ZBTB20: variants seen among roughly 807,000 people sequenced by gnomAD.
ZBTB20 encodes zinc finger and BTB domain containing 20, also known as zinc finger and BTB domain-containing protein 20.
A neutral mutation model predicts 56.9 loss-of-function variants in ZBTB20; 9 were observed. The ratio of observed to expected loss-of-function variants is 0.16; its 90% CI spans 0.10 to 0.28. The LOEUF is 0.28. Ranked by LOEUF, ZBTB20 falls within the 10% of genes least tolerant of loss-of-function variation. ZBTB20 has a pLI of 1.00. For missense variants in ZBTB20, 655 were observed against 1,003.0 expected (o/e 0.65, Z 4.69); for synonymous variants, 417 against 420.7 (o/e 0.99, Z 0.11).
intron 7 of ZBTB20, among the ~76,000 whole-genome samples, chr3:114,470,584 C>T (rs549507442): frequency 6.6e-6 from 1 of 152,048 alleles, no homozygotes; most frequent in Non-Finnish European, 1.5e-5. Context: ...AATAAGTCTA[C>T]AAGTTGGGTG....
intron 5 of ZBTB20, among the ~76,000 whole-genome samples, chr3:114,725,890 G>A (rs550712526): frequency 6.6e-6 from 1 of 152,310 alleles, no homozygotes; most frequent in East Asian, 1.9e-4. Flanking sequence ...AATCTTTTTA[G>A]TACATACTGT....
chr3:114,541,199 C>T (rs1577399986), intron 6 of ZBTB20, among the ~76,000 whole-genome samples: 3 of 152,062 alleles, frequency 2.0e-5, no homozygotes, highest in East Asian at 3.9e-4. Flanking sequence ...ATGTTAACTC[C>T]CATAGCTTTA....
intron 4 of ZBTB20, among the ~76,000 whole-genome samples, chr3:114,814,438 C>T (rs904523107): frequency 1.3e-5 from 2 of 151,996 alleles, no homozygotes; most frequent in African/African-American, 4.8e-5. Context: ...ATATGATACC[C>T]CAACATTTCA....
chr3:114,685,611 C>G (rs150418615), intron 6 of ZBTB20, among the ~76,000 whole-genome samples: 2 of 152,178 alleles, frequency 1.3e-5, no homozygotes, highest in Non-Finnish European at 2.9e-5. Context: ...TATGTAGGAA[C>G]GCTGTCTTGC....
chr3:114,623,034 T>C (rs2058428521), intron 6 of ZBTB20, among the ~76,000 whole-genome samples: 1 of 152,200 alleles, frequency 6.6e-6, no homozygotes, highest in African/African-American at 2.4e-5. Flanking sequence ...CCACCATGTT[T>C]TTTTGGTTTT....
chr3:115,136,504 AG>A (rs2107330282), intron 1 of ZBTB20, among the ~76,000 whole-genome samples: 1 of 150,046 alleles, frequency 6.7e-6, no homozygotes, highest in Admixed American at 6.6e-5. Flanking sequence ...ACCTTTCCTA[AG>A]TGATGAATGT....
intron 7 of ZBTB20, among the ~76,000 whole-genome samples, chr3:114,434,517 T>C (rs1020367511): frequency 2.3e-5 from 3 of 131,536 alleles, no homozygotes; most frequent in African/African-American, 9.2e-5. Context: ...CTTTACCTCA[T>C]GAAGAGTAGC....
chr3:115,107,311 T>G (rs1190030329), intron 1 of ZBTB20, among the ~76,000 whole-genome samples: 2 of 151,932 alleles, frequency 1.3e-5, no homozygotes, highest in South Asian at 2.1e-4. Context: ...TCCTAGCTAC[T>G]TGGGAGGCTG....
intron 6 of ZBTB20, among the ~76,000 whole-genome samples, chr3:114,636,045 C>G (rs13094567): frequency 0.085 from 12,901 of 152,120 alleles, 573 homozygotes; most frequent in Middle Eastern, 0.15. Context: ...AGCAACTCAT[C>G]ACATTCAAAG....
chr3:114,905,951 C>T (rs1477776421), intron 3 of ZBTB20, among the ~76,000 whole-genome samples: 2 of 151,860 alleles, frequency 1.3e-5, no homozygotes, highest in African/African-American at 2.4e-5. Flanking sequence ...TAAAAAACTT[C>T]TTCTAGCTAT....
At chr3:115,022,627 C>G (rs2080252027) in intron 2 of ZBTB20, among the ~76,000 whole-genome samples, 1 of 150,998 alleles carries the variant, frequency 6.6e-6, no homozygotes, top group Non-Finnish European at 1.5e-5. Context: ...ACTCTACAAT[C>G]TACTCCAATT....
chr3:114,731,793 G>GATTAGTAACTAATCCGGCTGTA lies in ZBTB20; in HGVS notation c.-342-38219_-342-38218insTACAGCCGGATTAGTTACTAAT, dbSNP rs1560181740. On this transcript the variant is annotated intron_variant, in intron 5 of 11. Coordinates refer to ENST00000675478, the MANE Select transcript of ZBTB20 (RefSeq NM_001348800.3). ...CTAGATTAGTAACTAATCCGGCTGT[G>GATTAGTAACTAATCCGGCTGTA]CCTAGATTAGTAACTAATCCGGCTG... Among the ~76,000 whole-genome samples the GATTAGTAACTAATCCGGCTGTA allele has an allele frequency of 5.9e-4, 70 of 117,910 alleles. 4 individuals are homozygous for GATTAGTAACTAATCCGGCTGTA. The highest frequency in any genetic ancestry group is 3.4e-3 in the South Asian group (9 of 2,678). The allele number at this position is 117,910 out of a possible 152,430, so 77.4% of individuals were successfully genotyped here.
intron 5 of ZBTB20, among the ~76,000 whole-genome samples, chr3:114,774,544 G>C (rs2069447252): frequency 6.6e-6 from 1 of 152,084 alleles, no homozygotes; most frequent in African/African-American, 2.4e-5. Context: ...ATTTTGTAAG[G>C]AGATACCATA....
chr3:114,597,520 T>C (rs1439811259), intron 6 of ZBTB20, among the ~76,000 whole-genome samples: 1 of 152,194 alleles, frequency 6.6e-6, no homozygotes. Context: ...GGTTAGAATA[T>C]GGCTTGTTTG....
chr3:114,478,041 C>T (rs1188470817), intron 7 of ZBTB20, among the ~76,000 whole-genome samples: 1 of 142,950 alleles, frequency 7.0e-6, no homozygotes, highest in African/African-American at 2.6e-5. Context: ...AGTGCAATGG[C>T]GCGATCTTGG....
chr3:114,756,198 G>C (rs571824478), intron 5 of ZBTB20, among the ~76,000 whole-genome samples: 2 of 151,888 alleles, frequency 1.3e-5, no homozygotes, highest in East Asian at 3.9e-4. Flanking sequence ...ATGTGTATTT[G>C]GTATTTACAT....
chr3:115,085,415 G>A (rs1370103481), intron 1 of ZBTB20, among the ~76,000 whole-genome samples: 1 of 151,950 alleles, frequency 6.6e-6, no homozygotes, highest in African/African-American at 2.4e-5. Context: ...CTTGGAAACT[G>A]CATTAACTCT....
intron 2 of ZBTB20, among the ~76,000 whole-genome samples, chr3:115,065,047 G>A (rs1030222200): frequency 7.2e-5 from 11 of 151,748 alleles, no homozygotes; most frequent in African/African-American, 1.9e-4. Context: ...CTTTGCTCTC[G>A]CCTGCCTTCT....
At position 114,512,451 on chromosome 3, in the gene ZBTB20, T is replaced by C. The variant is rs79395639; in HGVS notation, c.-294-12060A>G. Among the ~76,000 whole-genome samples, 1,481 of 152,250 alleles carry C rather than the reference T, an allele frequency of 9.7e-3. 24 individuals are homozygous for C. Among genetic ancestry groups the C allele is most frequent in the African/African-American group, 0.033 (1,364 of 41,562 alleles). ...TAATGTATGTTTTGGAGAGTTTCTG[T>C]CTCTATTATCACTGACAGGTTATTA... is the stretch of plus-strand genomic sequence containing the variant. On this transcript the variant is annotated intron_variant, in intron 6 of 11. Transcript: ENST00000675478.
Sources: gnomAD v4.1 joint callset for allele counts (sites outside exome capture counted in the v4.1 genomes callset) on GRCh38, gnomAD v4.1.1 for gene constraint, MANE v1.5 for transcripts, NCBI Gene and HGNC (gene_info 2026-07-23, HGNC 2026-07-21) for gene names.